The following ZNF331 variants were observed in gnomAD, a reference collection of about 807,000 sequenced individuals.
ZNF331 encodes C2H2-like zinc finger protein rearranged in thyroid adenomas.
A neutral mutation model predicts 7.0 loss-of-function variants in ZNF331; 2 were observed. The ratio of observed to expected loss-of-function variants is 0.29; its 90% CI spans 0.12 to 0.90. The LOEUF is 0.90. Among genes scored for constraint, ZNF331 ranks in the 40% least tolerant of loss-of-function variants. ZNF331 has a pLI of 0.58. For synonymous variants in ZNF331, 196 were observed against 205.4 expected, an observed-to-expected ratio of 0.95 and a Z score of 0.39; for missense variants, 432 against 587.7, an observed-to-expected ratio of 0.74 and a Z score of 2.74.
intron 3 of ZNF331, among the ~76,000 whole-genome samples, chr19:53,563,181 G>C (rs1301948400): frequency 1.6e-5 from 2 of 125,070 alleles, no homozygotes; most frequent in Non-Finnish European, 3.2e-5. Context: ...TCCGCCTCCC[G>C]GGTTCAAGCG....
chr19:53,559,930 C>G (rs539168887), intron 3 of ZNF331, among the ~76,000 whole-genome samples: 6 of 149,858 alleles, frequency 4.0e-5, no homozygotes, highest in Non-Finnish European at 8.9e-5. Flanking sequence ...CCACACCATA[C>G]ACACATACAT....
In ZNF331 at chr19:53,558,890, ATATACACACCTATACACACC is replaced by A. The variant is rs146831283; in HGVS notation, c.-74+2985_-74+3004del. 2.0e-5 allele frequency among the ~76,000 whole-genome samples: 3 copies of A among 146,746 alleles called. No individual in the cohort carries two copies. Among genetic ancestry groups the A allele is most frequent in the Admixed American group, 6.8e-5 (1 of 14,796 alleles). ...ACACACATACCCCATATATACACAC[ATATACACACCTATACACACC>A]TACATATATACACACACATACACAC... On this transcript the variant is annotated intron_variant, in intron 3 of 5. Transcript: ENST00000449416. This position sits in a 1 kb window ranked among gnomAD's most constrained non-coding sequence, Gnocchi z 4.5.
chr19:53,523,817 A>G lies in ZNF331; in HGVS notation c.-205+1133A>G, dbSNP rs141085885. ...TCTAGGGTACATGTGCACAATATGC[A>G]GGTTTAATCCATAGGTATACATGTG... On this transcript the variant is annotated intron_variant, in intron 2 of 6. Transcript: ENST00000253144. Among the ~76,000 whole-genome samples, 327 of 152,102 alleles carry G rather than the reference A, an allele frequency of 2.1e-3. 2 individuals are homozygous for G. Among genetic ancestry groups the G allele is most frequent in the African/African-American group, 7.7e-3 (320 of 41,480 alleles).
At chr19:53,523,094 TTA>T (rs34302755) in intron 2 of ZNF331, among the ~76,000 whole-genome samples, 101,238 of 151,896 alleles carry the variant, frequency 0.67, 34,774 homozygotes, top group African/African-American at 0.84. Context: ...GTATATGTTT[TTA>T]TATATATGTA....
chr19:53,508,307 A>G, the ZNF331 span, among the ~76,000 whole-genome samples: 1 of 152,078 alleles, frequency 6.6e-6, no homozygotes, highest in Non-Finnish European at 1.5e-5. Flanking sequence ...GGAGGTTTCA[A>G]TCATGTCACG....
At chr19:53,544,886 A>G (rs2147361043) in intron 2 of ZNF331, among the ~76,000 whole-genome samples, 1 of 152,084 alleles carries the variant, frequency 6.6e-6, no homozygotes, top group East Asian at 2.0e-4. Context: ...GGCTCCCACC[A>G]CCATAGCCAG....
At chr19:53,503,423 C>T in the ZNF331 span, 1 of 569,104 alleles carries the variant, frequency 1.8e-6, no homozygotes, top group African/African-American at 1.9e-5. Flanking sequence ...TGGGAACGAT[C>T]TTCTTATCGC....
chr19:53,528,054 C>T (rs558244668), intron 2 of ZNF331, among the ~76,000 whole-genome samples: 2 of 152,162 alleles, frequency 1.3e-5, no homozygotes, highest in African/African-American at 2.4e-5. Flanking sequence ...AATAATTACA[C>T]GAATCTCCCA....
chr19:53,520,545 T>C (rs921639003), upstream of ZNF331, among the ~76,000 whole-genome samples: 7 of 152,192 alleles, frequency 4.6e-5, no homozygotes, highest in African/African-American at 9.6e-5. Flanking sequence ...TTGAAGATTC[T>C]GCCAGTCTGA....
intron 2 of ZNF331, among the ~76,000 whole-genome samples, chr19:53,544,475 A>G (rs563058153): frequency 0.017 from 2,419 of 144,994 alleles, 51 homozygotes; most frequent in African/African-American, 0.056. Flanking sequence ...AACCCAGGAG[A>G]CAGAGCTTGC....
Position 53,577,028 on chromosome 19 carries a change from G to A in ZNF331, c.468G>A (p.Glu156=), listed in dbSNP as rs968408298. ...AACATCAGAAAATCCATACTGGTGA[G>A]AAACCTTATGAATGTAAAGAATGTA... The part of the protein sequence containing the change: ...LSQHQKIHTG[E]KPYECKECKK... The change falls in exon 6 of 6, where the codon GAG becomes GAA. Residue 156 remains glutamate (E), a synonymous_variant. Coordinates refer to ENST00000449416, the MANE Select transcript of ZNF331 (RefSeq NM_001079906.2). The A allele has an allele frequency of 6.2e-7, 1 of 1,613,432 alleles. No homozygotes were observed. The highest frequency in any genetic ancestry group is 1.3e-5 in the African/African-American group (1 of 74,788).
intron 3 of ZNF331, among the ~76,000 whole-genome samples, chr19:53,556,577 G>C (rs542316369): frequency 2.1e-4 from 32 of 150,304 alleles, no homozygotes; most frequent in African/African-American, 7.3e-4. Flanking sequence ...CTCCCACCTT[G>C]GCCTCAAAAA....
chr19:53,556,200 A>G (rs1418194068), intron 3 of ZNF331, among the ~76,000 whole-genome samples: 10 of 141,542 alleles, frequency 7.1e-5, no homozygotes, highest in East Asian at 2.1e-4. Context: ...CCGAGATCGC[A>G]CCGCTTCACT....
intron 2 of ZNF331, among the ~76,000 whole-genome samples, chr19:53,525,168 C>G (rs1242849582): frequency 6.6e-6 from 1 of 152,124 alleles, no homozygotes; most frequent in Non-Finnish European, 1.5e-5. Flanking sequence ...GTTACTGTAG[C>G]CTTGTAGTAT....
chr19:53,576,759 G>C lies in ZNF331; in HGVS notation c.199G>C (p.Ala67Pro), dbSNP rs776880475. ...AGAAAAAAACATTCATGAAATAAGG[G>C]CTTCCAAAAGGAATTCAGATAGAAG... ...PTEKNIHEIR[A>P]SKRNSDRRSK... The change falls in exon 6 of 6, where the codon GCT becomes CCT. Residue 67 changes from alanine to proline, a missense_variant. Ala to Pro is a conservative substitution (Grantham distance 27). Coordinates refer to ENST00000449416, the MANE Select transcript of ZNF331 (RefSeq NM_001079906.2). 2 of 1,613,744 alleles carry C rather than the reference G, an allele frequency of 1.2e-6. No individual in the cohort carries two copies. The highest frequency in any genetic ancestry group is 1.3e-5 in the African/African-American group (1 of 75,006).
chr19:53,568,717 G>T (rs1163703166), intron 3 of ZNF331, among the ~76,000 whole-genome samples: 3 of 150,918 alleles, frequency 2.0e-5, no homozygotes, highest in South Asian at 2.1e-4. Context: ...CAGAAATGGA[G>T]CCCTCCTGTT....
At chr19:53,570,807 C>T (rs1308723276) in intron 4 of ZNF331, among the ~76,000 whole-genome samples, 2 of 151,766 alleles carry the variant, frequency 1.3e-5, no homozygotes, top group Non-Finnish European at 2.9e-5. Context: ...GCTGGGATTA[C>T]AGGCATGAGC....
At chr19:53,514,448 G>T in the ZNF331 span, among the ~76,000 whole-genome samples, 1 of 151,832 alleles carries the variant, frequency 6.6e-6, no homozygotes, top group East Asian at 2.0e-4. Flanking sequence ...TGATCCACCC[G>T]CCTTGGCCTC....
upstream of ZNF331, among the ~76,000 whole-genome samples, chr19:53,535,801 C>CTTTTTTTTTTTTTT (rs558002929): frequency 2.8e-5 from 4 of 143,422 alleles, no homozygotes; most frequent in Non-Finnish European, 3.1e-5. Context: ...AAAATGTTCA[C>CTTTTTTTTTTTTTT]TTTTTTTTTT....
Sources: gnomAD v4.1 joint callset for allele counts (sites outside exome capture counted in the v4.1 genomes callset) on GRCh38, gnomAD v4.1.1 for gene constraint, Gnocchi (gnomAD v3.1) non-coding constraint, MANE v1.5 for transcripts, NCBI Gene and HGNC (gene_info 2026-07-23, HGNC 2026-07-21) for gene names.